The following NALF1 variants were observed in gnomAD, a reference collection of about 807,000 sequenced individuals.
NALF1 encodes family with sequence similarity 155 member A.
In NALF1, 3 loss-of-function variants were observed where a neutral mutation model predicts 48.4. The observed-to-expected ratio is 0.06, with a 90% CI of 0.03 to 0.16. The LOEUF is 0.16. Ranked by LOEUF, NALF1 falls within the 10% of genes least tolerant of loss-of-function variation. NALF1 has a pLI of 1.00. For synonymous variants in NALF1, 262 were observed against 245.7 expected, an observed-to-expected ratio of 1.07 and a Z score of -0.62; for missense variants, 526 against 571.5, an observed-to-expected ratio of 0.92 and a Z score of 0.81.
At chr13:107,682,912 G>A (rs964501139) in intron 1 of NALF1, among the ~76,000 whole-genome samples, 2 of 152,146 alleles carry the variant, frequency 1.3e-5, no homozygotes, top group East Asian at 3.9e-4. Context: ...AATTATAAAT[G>A]CAAAATTAAA....
At chr13:107,535,768 A>C (rs1469733940) in intron 1 of NALF1, among the ~76,000 whole-genome samples, 1 of 152,206 alleles carries the variant, frequency 6.6e-6, no homozygotes, top group African/African-American at 2.4e-5. Flanking sequence ...CACATTGCCA[A>C]GACAATCCTA....
At chr13:107,252,181 G>C (rs1467438062) in intron 1 of NALF1, among the ~76,000 whole-genome samples, 1 of 152,164 alleles carries the variant, frequency 6.6e-6, no homozygotes, top group Non-Finnish European at 1.5e-5. Flanking sequence ...TCCAAGCCCA[G>C]TCACGTGGTG....
intron 1 of NALF1, among the ~76,000 whole-genome samples, chr13:107,423,303 G>C (rs952722754): frequency 1.3e-5 from 2 of 152,152 alleles, no homozygotes; most frequent in African/African-American, 2.4e-5. Context: ...GGAATGCTGG[G>C]AAAAATAAGA....
chr13:107,226,600 T>C (rs768897464), intron 1 of NALF1, among the ~76,000 whole-genome samples: 8 of 152,212 alleles, frequency 5.3e-5, no homozygotes, highest in Non-Finnish European at 8.8e-5. Context: ...GCATCGGGTT[T>C]CTGACTTTTT....
rs1482233139 is a variant in NALF1, at chr13:107,166,384, C to A, written c.*4113G>T. ...GCAGTGAGCAGAGATCTTGCCGCTG[C>A]ATTCCAGCTTGAGCAACAGAGCAAG... On this transcript the variant is annotated 3_prime_UTR_variant, in exon 3 of 3. Transcript: ENST00000375915. 6.6e-6 allele frequency: 1 copy of A among 152,220 alleles called. No individual in the cohort carries two copies. Among genetic ancestry groups the A allele is most frequent in the Non-Finnish European group, 1.5e-5 (1 of 68,042 alleles). The allele number at this position is 152,220 out of a possible 1,614,324, so 9.4% of individuals were successfully genotyped here. A position where few individuals can be genotyped will look rare whatever the true frequency, so the allele number is the denominator to read the frequency against.
intron 1 of NALF1, among the ~76,000 whole-genome samples, chr13:107,858,717 G>A (rs1181497313): frequency 2.0e-5 from 3 of 152,106 alleles, no homozygotes; most frequent in African/African-American, 7.2e-5. Flanking sequence ...TAACCCATCT[G>A]TTTGACCTTG....
At chr13:107,389,916 T>C (rs1250813057) in intron 1 of NALF1, among the ~76,000 whole-genome samples, 1 of 152,150 alleles carries the variant, frequency 6.6e-6, no homozygotes, top group Non-Finnish European at 1.5e-5. Flanking sequence ...ATAGCCCAAT[T>C]ATTTCTTAAT....
chr13:107,198,946 A>G (rs1390653203), intron 2 of NALF1, among the ~76,000 whole-genome samples: 2 of 152,180 alleles, frequency 1.3e-5, no homozygotes, highest in East Asian at 1.9e-4. Flanking sequence ...TTGAGGCCCT[A>G]ACTCCCAGTA....
intron 1 of NALF1, among the ~76,000 whole-genome samples, chr13:107,272,636 A>G (rs72666540): frequency 0.36 from 54,928 of 152,042 alleles, 10,568 homozygotes; most frequent in South Asian, 0.58. Context: ...CAGTTTGCTT[A>G]ATAGTTCCTG....
chr13:107,492,793 T>C (rs1376223349), intron 1 of NALF1, among the ~76,000 whole-genome samples: 2 of 152,160 alleles, frequency 1.3e-5, no homozygotes, highest in Admixed American at 1.3e-4. Context: ...TTTCTGTTTT[T>C]CTTTAGACAT....
chr13:107,339,193 A>G (rs941542800), intron 1 of NALF1, among the ~76,000 whole-genome samples: 3 of 151,774 alleles, frequency 2.0e-5, no homozygotes, highest in Admixed American at 6.6e-5. Context: ...AGTAACTGCA[A>G]TGAAATAACC....
At chr13:107,423,402 C>T (rs1196088890) in intron 1 of NALF1, among the ~76,000 whole-genome samples, 1 of 152,144 alleles carries the variant, frequency 6.6e-6, no homozygotes, top group African/African-American at 2.4e-5. Context: ...GGAAAGAAAG[C>T]TTTCGTCGGT....
intron 1 of NALF1, among the ~76,000 whole-genome samples, chr13:107,239,870 T>A (rs1419137601): frequency 6.4e-4 from 97 of 152,164 alleles, no homozygotes; most frequent in Non-Finnish European, 1.5e-5. Flanking sequence ...AACAAGCACT[T>A]ATGAAGCAGG....
intron 2 of NALF1, among the ~76,000 whole-genome samples, chr13:107,199,376 A>G (rs1879461157): frequency 6.6e-6 from 1 of 152,172 alleles, no homozygotes; most frequent in African/African-American, 2.4e-5. Flanking sequence ...GCCCTGTAGC[A>G]TGTGGTATTT....
chr13:107,813,668 A>C (rs1319859827), intron 1 of NALF1, among the ~76,000 whole-genome samples: 1 of 143,948 alleles, frequency 6.9e-6, no homozygotes, highest in Non-Finnish European at 1.5e-5. Context: ...CATAAAGAAG[A>C]CCAGCAAAAA....
intron 1 of NALF1, among the ~76,000 whole-genome samples, chr13:107,801,595 A>G (rs1878614424): frequency 6.6e-6 from 1 of 152,192 alleles, no homozygotes; most frequent in Non-Finnish European, 1.5e-5. Flanking sequence ...CATTCCTTAC[A>G]AGGTTTTCCT....
intron 1 of NALF1, among the ~76,000 whole-genome samples, chr13:107,257,051 G>T (rs1013034835): frequency 6.6e-6 from 1 of 152,102 alleles, no homozygotes; most frequent in African/African-American, 2.4e-5. Context: ...TACGGCGGAA[G>T]GGGAGGCAGG....
intron 1 of NALF1, among the ~76,000 whole-genome samples, chr13:107,298,236 A>G (rs1232647635): frequency 6.6e-6 from 1 of 150,570 alleles, no homozygotes; most frequent in African/African-American, 2.4e-5. Flanking sequence ...TGTAGTCCCA[A>G]CTACTAGGGA....
At chr13:107,230,985 G>GGGAGGT (rs1334423957) in intron 1 of NALF1, among the ~76,000 whole-genome samples, 4 of 149,952 alleles carry the variant, frequency 2.7e-5, no homozygotes, top group Admixed American at 6.7e-5. Context: ...GCTTGAGCCT[G>GGGAGGT]GGAGGTTGAG....
Sources: allele counts gnomAD v4.1 joint callset (sites outside exome capture counted in the v4.1 genomes callset), GRCh38; gene constraint gnomAD v4.1.1; transcripts MANE v1.5; gene names NCBI Gene and HGNC (gene_info 2026-07-23, HGNC 2026-07-21).